The following TNNI3K variants were observed in gnomAD, a reference collection of about 807,000 sequenced individuals.
TNNI3K encodes TNNI3 interacting kinase, also known as serine/threonine-protein kinase TNNI3K.
TNNI3K carries 140 observed loss-of-function variants against 114.5 expected under a neutral mutation model. The ratio of observed to expected loss-of-function variants is 1.22; its 90% confidence interval spans 1.07 to 1.41. The LOEUF (loss-of-function observed/expected upper bound fraction) is 1.41, where lower values mean the gene tolerates loss of function less well. Ranked by LOEUF, TNNI3K falls within the 40% of genes most tolerant of loss-of-function variation. The pLI, the probability that TNNI3K is intolerant of heterozygous loss-of-function variation, is 0.00. For missense variants in TNNI3K, 1,125 were observed against 1,007.6 expected, an observed-to-expected ratio of 1.12 and a Z score of -1.58; for synonymous variants, 347 against 347.5, an observed-to-expected ratio of 1.00 and a Z score of 0.02.
At chr1:74,374,470 C>G (rs760958429) in intron 17 of TNNI3K, 5 of 151,866 alleles carry the variant, frequency 3.3e-5, no homozygotes, top group Non-Finnish European at 7.4e-5. Flanking sequence ...ACAACAACAA[C>G]AGCAAAACCA....
intron 5 of TNNI3K, among the ~76,000 whole-genome samples, chr1:74,284,389 C>G (rs769173827): frequency 1.3e-5 from 2 of 152,202 alleles, no homozygotes; most frequent in Non-Finnish European, 2.9e-5. Flanking sequence ...CACAGAATCT[C>G]TCTTTTGCGG....
chr1:74,344,791 C>T (rs1406849540), intron 9 of TNNI3K, among the ~76,000 whole-genome samples: 8 of 152,202 alleles, frequency 5.3e-5, no homozygotes, highest in Admixed American at 3.9e-4. Flanking sequence ...TGTTTTATTT[C>T]GTGTAAGCCT....
At chr1:74,494,087 TG>T (rs1403188362) in intron 23 of TNNI3K, among the ~76,000 whole-genome samples, 1 of 152,098 alleles carries the variant, frequency 6.6e-6, no homozygotes, top group Non-Finnish European at 1.5e-5. Context: ...TTCCAACCCA[TG>T]GAAGACCAGA....
chr1:74,252,420 A>C (rs1654985000), intron 4 of TNNI3K, among the ~76,000 whole-genome samples: 1 of 152,238 alleles, frequency 6.6e-6, no homozygotes, highest in Non-Finnish European at 1.5e-5. Context: ...CAAATTTCTT[A>C]ACAAAAGTGA....
chr1:74,527,304 A>G (rs1646516635), intron 23 of TNNI3K, among the ~76,000 whole-genome samples: 1 of 152,264 alleles, frequency 6.6e-6, no homozygotes, highest in Non-Finnish European at 1.5e-5. Flanking sequence ...GTAAACAGAC[A>G]AAGATAAACA....
intron 23 of TNNI3K, among the ~76,000 whole-genome samples, chr1:74,503,609 CT>C (rs756164791): frequency 6.6e-4 from 100 of 152,184 alleles, no homozygotes; most frequent in African/African-American, 2.3e-3. Flanking sequence ...GCTATCATCT[CT>C]GAGACGTAAA....
intron 23 of TNNI3K, among the ~76,000 whole-genome samples, chr1:74,495,337 C>CA (rs2100319117): frequency 6.6e-6 from 1 of 152,270 alleles, no homozygotes; most frequent in African/African-American, 2.4e-5. Context: ...TAAAATGTGT[C>CA]AAAATAGAAA....
intron 4 of TNNI3K, among the ~76,000 whole-genome samples, chr1:74,265,264 A>G (rs1481525608): frequency 1.3e-5 from 2 of 152,034 alleles, no homozygotes; most frequent in African/African-American, 2.4e-5. Flanking sequence ...ATGAAACAGA[A>G]TTGGTTATGA....
chr1:74,421,007 C>T (rs1665368325), intron 17 of TNNI3K, among the ~76,000 whole-genome samples: 1 of 152,086 alleles, frequency 6.6e-6, no homozygotes, highest in Non-Finnish European at 1.5e-5. Flanking sequence ...ATAAATAACT[C>T]CCACATGCTT....
chr1:74,434,192 C>G (rs1481523190), intron 17 of TNNI3K, among the ~76,000 whole-genome samples: 1 of 152,042 alleles, frequency 6.6e-6, no homozygotes, highest in Admixed American at 6.6e-5. Context: ...CAGAATTGTT[C>G]TCTAATTTCA....
At chr1:74,474,327 C>T (rs1254097943) in intron 21 of TNNI3K, among the ~76,000 whole-genome samples, 5 of 152,138 alleles carry the variant, frequency 3.3e-5, no homozygotes, top group Non-Finnish European at 7.4e-5. Flanking sequence ...CCTCAGCCAT[C>T]CCTCTGTTGT....
intron 23 of TNNI3K, among the ~76,000 whole-genome samples, chr1:74,498,867 A>G (rs1392108754): frequency 6.6e-6 from 1 of 152,222 alleles, no homozygotes; most frequent in Admixed American, 6.5e-5. Flanking sequence ...AAAAATTTTA[A>G]TATTTAAAAC....
At chr1:74,535,253 G>T (rs570360089) in intron 23 of TNNI3K, among the ~76,000 whole-genome samples, 2 of 151,994 alleles carry the variant, frequency 1.3e-5, no homozygotes, top group Non-Finnish European at 2.9e-5. Context: ...GAGGTGGGTG[G>T]ATCAACAGGA....
chr1:74,436,648 T>C, intron 19 of TNNI3K, 122 bp downstream of exon 19: 1 of 979,732 alleles, frequency 1.0e-6, no homozygotes, highest in Non-Finnish European at 1.4e-6. Context: ...AGTGTTGGGA[T>C]AATGGCTTAT....
chr1:74,500,687 A>C (rs866727859), intron 23 of TNNI3K, among the ~76,000 whole-genome samples: 4 of 149,020 alleles, frequency 2.7e-5, no homozygotes, highest in Non-Finnish European at 5.9e-5. Flanking sequence ...TGTTGGAAGT[A>C]AACAAATGAA....
rs753982714 is a variant in TNNI3K, at chr1:74,236,224, A to T, written c.149+14A>T. 6.3e-7 allele frequency: 1 copy of T among 1,594,172 alleles called. No individual in the cohort carries two copies. The highest frequency in any genetic ancestry group is 8.6e-7 in the Non-Finnish European group (1 of 1,167,816). On this transcript the variant is annotated intron_variant, in intron 2 of 24. Transcript: ENST00000326637. ...GAATATATTTGGGTAAAGTTGTAAG[A>T]GTCATTATTTCTTTGTATAAGTGTC...
In TNNI3K at chr1:74,271,620, C is replaced by T. The variant is rs201859353; in HGVS notation, c.356C>T (p.Ser119Phe). Reference protein sequence around the residue: ...VYKDNAELITSLLHSGADIQQ... With the variant: ...VYKDNAELITFLLHSGADIQQ... ...CAGGATAATGCAGAATTGATCACTT[C>T]TCTGCTTCACAGTGGAGCTGATATA... The change falls in exon 5 of 25, where the codon TCT becomes TTT. Residue 119 changes from serine (S) to phenylalanine (F), a missense_variant. Physicochemically the swap from Ser to Phe is radical, Grantham distance 155 (BLOSUM62 -2). Transcript: ENST00000326637. 8 of 1,607,282 alleles carry T rather than the reference C, an allele frequency of 5.0e-6. No homozygotes were observed. Among genetic ancestry groups the T allele is most frequent in the Non-Finnish European group, 6.8e-6 (8 of 1,176,206 alleles).
At chr1:74,458,266 G>A (rs1024813057) in intron 20 of TNNI3K, among the ~76,000 whole-genome samples, 7 of 152,114 alleles carry the variant, frequency 4.6e-5, no homozygotes, top group Non-Finnish European at 8.8e-5. Context: ...TGTCTTCAAA[G>A]CCCATGTTTG....
chr1:74,540,609 A>T (rs1390698527), intron 24 of TNNI3K, among the ~76,000 whole-genome samples: 1 of 149,092 alleles, frequency 6.7e-6, no homozygotes, highest in African/African-American at 2.5e-5. Context: ...CTTTTTTTAA[A>T]AAAAAAAAAA....
Sources: gnomAD v4.1 joint callset for allele counts (sites outside exome capture counted in the v4.1 genomes callset) on GRCh38, gnomAD v4.1.1 for gene constraint, MANE v1.5 for transcripts, NCBI Gene and HGNC (gene_info 2026-07-23, HGNC 2026-07-21) for gene names.